Variants in RNF126 observed in about 807,000 individuals in gnomAD.
The protein encoded by RNF126 is ring finger protein 126, also known as E3 ubiquitin-protein ligase RNF126.
A neutral mutation model predicts 41.9 loss-of-function variants in RNF126; 20 were observed. The observed-to-expected ratio is 0.48, with a 90% CI of 0.34 to 0.69. RNF126 has a LOEUF of 0.69. Ranked by LOEUF, RNF126 falls within the 30% of genes least tolerant of loss-of-function variation. The pLI, the probability that RNF126 is intolerant of heterozygous loss-of-function variation, is 0.01. For missense variants in RNF126, 433 were observed against 460.6 expected, an observed-to-expected ratio of 0.94 and a Z score of 0.55; for synonymous variants, 239 against 202.9, an observed-to-expected ratio of 1.18 and a Z score of -1.51.
rs201543493 is a variant in RNF126 at position 651,723 on chromosome 19, G to A, written c.331C>T (p.Arg111Trp). Residue 111 changes from arginine (R) to tryptophan (W), a missense_variant, in exon 4 of 9, where the codon CGG becomes TGG. This residue lies in a region of RNF126 where 247 missense variants were observed against 224.7 expected (regional missense o/e 1.10). Coordinates refer to ENST00000292363, the MANE Select transcript of RNF126 (RefSeq NM_194460.3). ...CGGGACGGATGGTCTCTCTCCCGCC[G>A]GCTCTCAGGGTCCCTGCCGTCGTCA... The part of the protein sequence containing the change: ...QADDGRDPES[R>W]RERDHPSRHR... 3.0e-5 allele frequency: 48 copies of A among 1,611,418 alleles called. No individual in the cohort carries two copies. The highest frequency in any genetic ancestry group is 2.7e-4 in the East Asian group (12 of 44,790).
rs767523043 is a variant in RNF126, at chr19:653,469, T to G, written c.76-585A>C. ...CCGTGGGTGAGTCCCAAAACCACGT[T>G]CACAGTTCCCCAGCACCAGCCTCAA... On this transcript the variant is annotated intron_variant, in intron 1 of 8. Coordinates refer to ENST00000292363, the MANE Select transcript of RNF126 (RefSeq NM_194460.3). Among the ~76,000 whole-genome samples, 83 of 152,144 alleles carry G rather than the reference T, an allele frequency of 5.5e-4. 1 individual carries two copies. Among genetic ancestry groups the G allele is most frequent in the Non-Finnish European group, 1.0e-3 (68 of 68,004 alleles).
At position 648,104 on chromosome 19, in the gene RNF126, G is replaced by A. The variant is rs1437030103; in HGVS notation, c.*24C>T. The A allele has an allele frequency of 1.3e-6, 2 of 1,546,216 alleles. No individual in the cohort carries two copies. The highest frequency in any genetic ancestry group is 2.5e-5 in the South Asian group (2 of 80,496). The stretch of plus-strand genomic sequence containing the variant: ...TGAGGGTGGGTGGGAAAGGCCCCGT[G>A]CTTTCCCGACGGCCGACGTGGGCTC... On this transcript the variant is annotated 3_prime_UTR_variant, in exon 9 of 9. Coordinates refer to ENST00000292363, the MANE Select transcript of RNF126 (RefSeq NM_194460.3).
chr19:648,364 G>GGGGGGGGGGGGGGGGGGGGGGC lies in RNF126; in HGVS notation c.786+7_786+8insGCCCCCCCCCCCCCCCCCCCCC. 2.0e-6 allele frequency: 1 copy of GGGGGGGGGGGGGGGGGGGGGGC among 510,496 alleles called. No homozygotes were observed. 31.6% of individuals were successfully genotyped at this position (510,496 alleles called of 1,614,324 possible). On this transcript the variant is annotated splice_region_variant and intron_variant, in intron 8 of 8. Coordinates refer to ENST00000292363, the MANE Select transcript of RNF126 (RefSeq NM_194460.3). ...CGGGGTGGGGGGGCGGGTGGGCGGG[G>GGGGGGGGGGGGGGGGGGGGGGC]CACTCACCTGCTCCAGCCAGGGCAC...
intron 1 of RNF126, among the ~76,000 whole-genome samples, chr19:656,661 AAAAGGG>A (rs1308587813): frequency 2.5e-4 from 38 of 152,106 alleles, no homozygotes; most frequent in Non-Finnish European, 4.9e-4. Flanking sequence ...AAGAAAAAGA[AAAAGGG>A]AAAGGGGAAG....
intron 6 of RNF126, 136 bp from the exon 7 acceptor site, chr19:649,111 G>A (rs1021146226): frequency 6.0e-5 from 25 of 420,048 alleles, no homozygotes; most frequent in Middle Eastern, 6.1e-4. Context: ...AGCCCGCCCG[G>A]GGTCGGAGAT....
chr19:651,294 C>T, intron 4 of RNF126: 1 of 235,024 alleles, frequency 4.3e-6, no homozygotes, highest in Non-Finnish European at 8.2e-6. Context: ...CGACGGCTCC[C>T]CCAGGCTCTG....
chr19:648,352 C>CGGGGGGGGGGGGGGGGGG lies in RNF126; in HGVS notation c.786+19_786+20insCCCCCCCCCCCCCCCCCC. On this transcript the variant is annotated intron_variant, in intron 8 of 8. Coordinates refer to ENST00000292363, the MANE Select transcript of RNF126 (RefSeq NM_194460.3). Reference sequence around the variant, plus strand: ...GAGGGCCGCGGTCGGGGTGGGGGGGCGGGTGGGCGGGGCACTCACCTGCTC... The same window carrying CGGGGGGGGGGGGGGGGGG: ...GAGGGCCGCGGTCGGGGTGGGGGGGCGGGGGGGGGGGGGGGGGGGGGTGGGCGGGGCACTCACCTGCTC... 1 of 1,026,008 alleles carries CGGGGGGGGGGGGGGGGGG rather than the reference C, an allele frequency of 9.7e-7. No individual in the cohort carries two copies. The allele number at this position is 1,026,008 out of a possible 1,614,324, so 63.6% of individuals were successfully genotyped here.
At chr19:662,391 G>T (rs1225881333) in intron 1 of RNF126, among the ~76,000 whole-genome samples, 2 of 152,184 alleles carry the variant, frequency 1.3e-5, no homozygotes, top group Non-Finnish European at 2.9e-5. Flanking sequence ...GGAAGGGTGG[G>T]CTGCGCAGCC....
intron 1 of RNF126, among the ~76,000 whole-genome samples, chr19:657,869 G>A (rs1365484094): frequency 6.6e-6 from 1 of 152,112 alleles, no homozygotes; most frequent in Non-Finnish European, 1.5e-5. Flanking sequence ...GGGAGGGGCT[G>A]GACCTGGGGG....
At chr19:656,595 C>G (rs572378663) in intron 1 of RNF126, among the ~76,000 whole-genome samples, 1 of 152,230 alleles carries the variant, frequency 6.6e-6, no homozygotes, top group Admixed American at 6.5e-5. Flanking sequence ...TTGCAGTGAG[C>G]CGAGATCATA....
At chr19:652,150 G>A in intron 3 of RNF126, 83 bp downstream of exon 3, 5 of 1,168,128 alleles carry the variant, frequency 4.3e-6, no homozygotes, top group Middle Eastern at 2.3e-4. Flanking sequence ...GGAGAGCCGG[G>A]GAGGCGAGGT....
In RNF126 at chr19:659,007, G is replaced by A. The variant is rs1177944941; in HGVS notation, c.75+4040C>T. ...GGGCAGCCGACATCCACAGGTTCCC[G>A]GGGTATTGCTGGTGCCCGATCACAA... On this transcript the variant is annotated intron_variant, in intron 1 of 8. Coordinates refer to ENST00000292363, the MANE Select transcript of RNF126 (RefSeq NM_194460.3). The surrounding 1 kb of genome is among the most constrained non-coding windows in gnomAD (Gnocchi z 4.9). Among the ~76,000 whole-genome samples the A allele has an allele frequency of 6.6e-6, 1 of 152,198 alleles. No individual in the cohort carries two copies. Among genetic ancestry groups the A allele is most frequent in the Non-Finnish European group, 1.5e-5 (1 of 68,032 alleles).
chr19:652,362 C>T (rs1333857704), intron 2 of RNF126, 66 bp from the exon 3 acceptor site: 72 of 1,324,708 alleles, frequency 5.4e-5, no homozygotes, highest in Non-Finnish European at 1.7e-5. Context: ...GCGCTCCCTC[C>T]CCTCAAAAGC....
chr19:662,623 C>T (rs2144781765), intron 1 of RNF126, among the ~76,000 whole-genome samples: 1 of 152,282 alleles, frequency 6.6e-6, no homozygotes, highest in African/African-American at 2.4e-5. Context: ...CCCCGCCAGG[C>T]CCAGCCCCTG....
In RNF126 at chr19:648,192, G is replaced by A; in HGVS notation, c.872C>T (p.Ser291Phe). 6.2e-7 allele frequency: 1 copy of A among 1,607,604 alleles called. No homozygotes were observed. The highest frequency in any genetic ancestry group is 8.5e-7 in the Non-Finnish European group (1 of 1,176,524). ...GGAGGAGGACGATGACGACGAGGAGGAGAAGCTCACCCCAGTGAGGCCAGG... is the reference window on the plus strand; with the variant it reads ...GGAGGAGGACGATGACGACGAGGAGAAGAAGCTCACCCCAGTGAGGCCAGG... ...NPPGLTGVSF[S>F]SSSSSSSSSS... Residue 291 changes from serine to phenylalanine, a missense_variant, in exon 9 of 9, where the codon TCC (serine) becomes TTC (phenylalanine). This residue lies in a region of RNF126 where 63 missense variants were observed against 47.9 expected (regional missense o/e 1.32). Transcript: ENST00000292363.
intron 4 of RNF126, chr19:650,584 CTTTTT>C (rs34495183): frequency 1.1e-3 from 78 of 72,312 alleles, no homozygotes; most frequent in African/African-American, 3.6e-3. Context: ...CTCTCGGCTA[CTTTTT>C]TTTTTTTTTT....
Position 648,503 on chromosome 19 carries a change from G to A in RNF126, c.671-16C>T, listed in dbSNP as rs1380140849. On this transcript the variant is annotated splice_polypyrimidine_tract_variant and intron_variant, in intron 7 of 8. Coordinates refer to ENST00000292363, the MANE Select transcript of RNF126 (RefSeq NM_194460.3). ...AGCCCGGAGCCTGCGGGAGTGTGCA[G>A]CTGCGGTCACAGCGGGCGTGGGGGG... 3.9e-6 allele frequency: 6 copies of A among 1,550,358 alleles called. No individual in the cohort carries two copies. Among genetic ancestry groups the A allele is most frequent in the Non-Finnish European group, 5.2e-6 (6 of 1,149,978 alleles).
intron 3 of RNF126, 65 bp from the exon 4 acceptor site, chr19:651,920 G>A: frequency 2.7e-6 from 4 of 1,456,350 alleles, no homozygotes; most frequent in African/African-American, 1.4e-5. Flanking sequence ...GGGGCGCTAG[G>A]GCACAAAGAC....
At chr19:653,117 G>A (rs1403255661) in intron 1 of RNF126, among the ~76,000 whole-genome samples, 3 of 149,518 alleles carry the variant, frequency 2.0e-5, no homozygotes, top group Admixed American at 1.3e-4. Flanking sequence ...CTCCGACCTG[G>A]CCCCACCGTG....
Sources: allele counts gnomAD v4.1 joint callset (sites outside exome capture counted in the v4.1 genomes callset), GRCh38; gene constraint gnomAD v4.1.1; regional missense constraint gnomAD v4.1.1; non-coding constraint Gnocchi (gnomAD v3.1); transcripts MANE v1.5; gene names NCBI Gene and HGNC (gene_info 2026-07-23, HGNC 2026-07-21).